The following PDZD2 variants were observed in gnomAD, a reference collection of about 807,000 sequenced individuals.
PDZD2 encodes the protein PDZ domain containing 2, also known as PDZ domain-containing protein 2.
PDZD2 carries 90 observed loss-of-function variants against 220.7 expected under a neutral mutation model. The observed-to-expected ratio is 0.41, with a 90% CI of 0.34 to 0.49. PDZD2 has a LOEUF of 0.49. Among genes scored for constraint, PDZD2 ranks in the 20% least tolerant of loss-of-function variants. The pLI, the probability that PDZD2 is intolerant of heterozygous loss-of-function variation, is 0.28. For synonymous variants in PDZD2, 1,375 were observed against 1,450.5 expected, an observed-to-expected ratio of 0.95 and a Z score of 1.18; for missense variants, 3,174 against 3,608.5, an observed-to-expected ratio of 0.88 and a Z score of 3.08.
intron 7 of PDZD2, among the ~76,000 whole-genome samples, chr5:32,046,688 G>A (rs182379733): frequency 4.8e-4 from 73 of 152,222 alleles, no homozygotes; most frequent in African/African-American, 1.5e-3. Flanking sequence ...GCGTAGACAC[G>A]GAGAAGATAT....
chr5:32,059,676 T>C (rs1739495142), intron 13 of PDZD2, among the ~76,000 whole-genome samples: 3 of 152,220 alleles, frequency 2.0e-5, no homozygotes, highest in African/African-American at 7.2e-5. Context: ...TTTCTTTCAT[T>C]TTATATTCAC....
chr5:31,709,190 G>A (rs1747972195), intron 1 of PDZD2, among the ~76,000 whole-genome samples: 2 of 152,210 alleles, frequency 1.3e-5, no homozygotes, highest in Admixed American at 6.5e-5. Context: ...CTGGCCTTCA[G>A]CAGTTATTTT....
At chr5:31,741,666 C>T (rs1408347800) in intron 1 of PDZD2, among the ~76,000 whole-genome samples, 1 of 152,186 alleles carries the variant, frequency 6.6e-6, no homozygotes, top group Admixed American at 6.5e-5. Flanking sequence ...AATGGACCCA[C>T]CACTGCCAGT....
intron 2 of PDZD2, chr5:31,847,426 A>C (rs1235290988): frequency 1.9e-6 from 1 of 524,068 alleles, no homozygotes; most frequent in East Asian, 4.0e-5. Flanking sequence ...ACAGGATGAG[A>C]GTTCGCGTAA....
intron 2 of PDZD2, among the ~76,000 whole-genome samples, chr5:31,808,434 G>A (rs985378069): frequency 3.3e-5 from 5 of 152,152 alleles, no homozygotes; most frequent in Non-Finnish European, 5.9e-5. Context: ...GAAGCATTAC[G>A]GACTGTTTGT....
chr5:31,983,698 G>A (rs762108840), intron 3 of PDZD2, 42 bp downstream of exon 3: 14 of 1,567,786 alleles, frequency 8.9e-6, no homozygotes, highest in Admixed American at 1.8e-5. Context: ...TTTATTTATC[G>A]TGTGTGTTTG....
intron 2 of PDZD2, among the ~76,000 whole-genome samples, chr5:31,887,512 G>A (rs1740618806): frequency 1.3e-5 from 2 of 152,124 alleles, no homozygotes; most frequent in East Asian, 1.9e-4. Context: ...GGATGGAGGA[G>A]AGCTAGGAGG....
At chr5:31,951,395 T>C (rs1315794731) in intron 2 of PDZD2, among the ~76,000 whole-genome samples, 1 of 152,170 alleles carries the variant, frequency 6.6e-6, no homozygotes, top group African/African-American at 2.4e-5. Context: ...AGGGTTCTAC[T>C]CTCATTCACG....
intron 19 of PDZD2, 78 bp downstream of exon 19, chr5:32,077,684 C>A (rs1348383823): frequency 1.4e-6 from 2 of 1,432,464 alleles, no homozygotes; most frequent in Non-Finnish European, 1.9e-6. Context: ...AGGCCAGGCG[C>A]AGTGGCTTAC....
chr5:31,831,279 G>A lies in PDZD2; in HGVS notation c.476+31555G>A, dbSNP rs542318384. On this transcript the variant is annotated intron_variant, in intron 2 of 24. Coordinates refer to ENST00000438447, the MANE Select transcript of PDZD2 (RefSeq NM_178140.4). ...CAGTGGATCACGAAGTCAAGAAATC[G>A]AGACCATCGTGGCCAACATGGTGAA... Among the ~76,000 whole-genome samples the A allele has an allele frequency of 6.6e-5, 10 of 150,824 alleles. 1 individual carries two copies. The East Asian group carries it at 1.2e-3, about 18-fold the overall frequency.
chr5:32,091,483 C>T (rs555488304), intron 20 of PDZD2, among the ~76,000 whole-genome samples: 2 of 151,970 alleles, frequency 1.3e-5, no homozygotes, highest in African/African-American at 2.4e-5. Context: ...CGGGGTTTCA[C>T]CATGTTGGTC....
In PDZD2 at chr5:32,074,589, C is replaced by T; in HGVS notation, c.3483C>T (p.Ala1161=). 1.9e-6 allele frequency: 3 copies of T among 1,613,076 alleles called. No individual in the cohort carries two copies. The highest frequency in any genetic ancestry group is 2.5e-6 in the Non-Finnish European group (3 of 1,179,702). Residue 1161 remains alanine (A), a synonymous_variant, in exon 18 of 25, where the codon GCC becomes GCT. Transcript: ENST00000438447. ...GCGATCTGGACTCGAGAGTCCAGGCCACTTCTGTCAAAGTGACTGTCGCTG... is the reference window on the plus strand; with the variant it reads ...GCGATCTGGACTCGAGAGTCCAGGCTACTTCTGTCAAAGTGACTGTCGCTG... ...DPCDLDSRVQ[A]TSVKVTVAGF...
intron 2 of PDZD2, among the ~76,000 whole-genome samples, chr5:31,815,245 C>CAAAAAAAAAAAAAA (rs59040987): frequency 2.1e-4 from 12 of 57,918 alleles, no homozygotes; most frequent in African/African-American, 8.1e-4. Context: ...AACTCTGTCT[C>CAAAAAAAAAAAAAA]AAAAAAAAAA....
chr5:31,750,642 G>C (rs900660285), intron 1 of PDZD2, among the ~76,000 whole-genome samples: 1 of 152,216 alleles, frequency 6.6e-6, no homozygotes, highest in East Asian at 1.9e-4. Context: ...GTGACGGGCA[G>C]ATCCACGGAT....
intron 2 of PDZD2, among the ~76,000 whole-genome samples, chr5:31,919,218 G>A (rs1270968659): frequency 6.6e-6 from 1 of 152,174 alleles, no homozygotes; most frequent in African/African-American, 2.4e-5. Context: ...CTTGATTTTA[G>A]CAAAACCTCT....
chr5:31,653,026 A>G, intron 1 of PDZD2, among the ~76,000 whole-genome samples: 1 of 152,066 alleles, frequency 6.6e-6, no homozygotes, highest in East Asian at 1.9e-4. Flanking sequence ...AAAAAGACCA[A>G]AAAACAAACA....
At position 31,669,401 on chromosome 5, in the gene PDZD2, C is replaced by CA. The variant is rs34910299; in HGVS notation, c.-361+29986dup. Among the ~76,000 whole-genome samples the CA allele has an allele frequency of 2.2e-3, 236 of 109,580 alleles. 1 individual carries two copies. The highest frequency in any genetic ancestry group is 2.8e-3 in the Non-Finnish European group (153 of 54,242). The allele number at this position is 109,580 out of a possible 152,430, so 71.9% of individuals were successfully genotyped here. A position where few individuals can be genotyped will look rare whatever the true frequency, so the allele number is the denominator to read the frequency against. ...TGGGTGACAGAGTGAGACCCTGTCT[C>CA]AAAAAAAAAAAAAAAAAAAAAATAA... On this transcript the variant is annotated intron_variant, in intron 1 of 24. Coordinates refer to ENST00000438447, the MANE Select transcript of PDZD2 (RefSeq NM_178140.4).
intron 2 of PDZD2, among the ~76,000 whole-genome samples, chr5:31,898,016 C>A (rs1741729884): frequency 6.6e-6 from 1 of 152,190 alleles, no homozygotes; most frequent in Admixed American, 6.6e-5. Flanking sequence ...GCTGGGATTA[C>A]AGGCATGAGC....
intron 2 of PDZD2, among the ~76,000 whole-genome samples, chr5:31,914,265 C>T (rs567782436): frequency 2.0e-5 from 3 of 152,362 alleles, no homozygotes; most frequent in Admixed American, 6.5e-5. Context: ...GGCGCGGTGG[C>T]TCACGCCCGT....
Sources: gnomAD v4.1 joint callset for allele counts (sites outside exome capture counted in the v4.1 genomes callset) on GRCh38, gnomAD v4.1.1 for gene constraint, MANE v1.5 for transcripts, NCBI Gene and HGNC (gene_info 2026-07-23, HGNC 2026-07-21) for gene names.